TEX15: variants seen among roughly 807,000 people sequenced by gnomAD.
The protein encoded by TEX15 is testis-expressed protein 15.
Under a neutral mutation model 237.3 loss-of-function variants are expected in TEX15, and 171 were observed. That is an observed-to-expected ratio of 0.72 (90% confidence interval 0.64 to 0.82). The LOEUF (loss-of-function observed/expected upper bound fraction) is 0.82. TEX15 is among the 40% of genes least tolerant of loss of function. The probability of loss-of-function intolerance (pLI) is 0.00; values close to 1 mark genes in which losing one functional copy is unlikely to be tolerated. For missense variants in TEX15, 3,750 were observed against 3,646.5 expected (o/e 1.03, Z -0.73); for synonymous variants, 1,338 against 1,269.8 (o/e 1.05, Z -1.14).
rs1320798865 is a variant in TEX15 at position 30,867,465 on chromosome 8, G to T, written c.340C>A (p.Leu114Ile). 6.5e-7 allele frequency: 1 copy of T among 1,534,284 alleles called. No individual in the cohort carries two copies. The highest frequency in any genetic ancestry group is 2.0e-5 in the Admixed American group (1 of 50,934). ...MRESGRHCRE[L>I]EEQFCFLALP... ...GCTAAAAAGCAGAACTGTTCTTCAAGTTCCCTGCAATGTCTTCCACTTTCA... is the reference window on the plus strand; with the variant it reads ...GCTAAAAAGCAGAACTGTTCTTCAATTTCCCTGCAATGTCTTCCACTTTCA... Residue 114 changes from leucine to isoleucine, a missense_variant, in exon 5 of 11, where the codon CTT becomes ATT. Transcript: ENST00000643185.
chr8:30,836,901 G>T lies in TEX15; in HGVS notation c.9383C>A (p.Pro3128Gln). ...ATGAGAAGCATATTGTGAAAAAATT[G>T]GCTGCCGAAAATTAGAAGCAGGTAT... ...SQIPASNFRQ[P>Q]IFSQYASHQP... Residue 3128 changes from proline (P) to glutamine (Q), a missense_variant, in exon 10 of 11, where the codon CCA (proline) becomes CAA (glutamine). Coordinates refer to ENST00000643185, the MANE Select transcript of TEX15 (RefSeq NM_001350162.2). The T allele has an allele frequency of 6.2e-7, 1 of 1,614,156 alleles. No homozygotes were observed. Among genetic ancestry groups the T allele is most frequent in the East Asian group, 2.2e-5 (1 of 44,880 alleles).
At chr8:30,875,610 T>C (rs1808383619) in intron 3 of TEX15, among the ~76,000 whole-genome samples, 1 of 152,200 alleles carries the variant, frequency 6.6e-6, no homozygotes, top group Non-Finnish European at 1.5e-5. Flanking sequence ...AGCATTGTTG[T>C]AGTAAATAGA....
rs767963395 is a variant in TEX15, at chr8:30,842,482, A to G, written c.7685T>C (p.Ile2562Thr). 1 of 1,613,148 alleles carries G rather than the reference A, an allele frequency of 6.2e-7. No individual in the cohort carries two copies. The highest frequency in any genetic ancestry group is 1.1e-5 in the South Asian group (1 of 90,896). ...KKLLKKSKYF[I>T]STYIDFVPYI... is the part of the protein sequence containing the mutation. ...TGGCACAAAGTCAATATATGTGGAA[A>G]TAAAATACTTGGACTTCTTCAGAAG... Residue 2562 changes from isoleucine (I) to threonine (T), a missense_variant, in exon 8 of 11, where the codon ATT becomes ACT. By Grantham distance (89) the Ile-to-Thr change is moderately conservative. Coordinates refer to ENST00000643185, the MANE Select transcript of TEX15 (RefSeq NM_001350162.2).
Position 30,845,638 on chromosome 8 carries a change from C to T in TEX15, c.4529G>A (p.Cys1510Tyr). 6.2e-7 allele frequency: 1 copy of T among 1,613,576 alleles called. No individual in the cohort carries two copies. The highest frequency in any genetic ancestry group is 8.5e-7 in the Non-Finnish European group (1 of 1,179,602). Residue 1510 changes from cysteine to tyrosine, a missense_variant, in exon 8 of 11, where the codon TGT becomes TAT. Coordinates refer to ENST00000643185, the MANE Select transcript of TEX15 (RefSeq NM_001350162.2). ...CTGTGATTCAGGATGTTCTTGATTA[C>T]AAAATTCTCCCATGTGACTGGTGGT... is the stretch of plus-strand genomic sequence containing the variant. Reference protein sequence around the residue: ...HPTTSHMGEFCNQEHPESQLP... With the variant: ...HPTTSHMGEFYNQEHPESQLP...
Position 30,842,019 on chromosome 8 carries a change from A to G in TEX15, c.8148T>C (p.Ser2716=), listed in dbSNP as rs760228344. ...ACATACATACCTTTAGCTTTTTACA[A>G]CTGGAAACAGTAGTATCTTGCTGTT... ...QEQQQDTTVS[S]CKKLKVDMKD... is the part of the protein sequence containing the mutation. Residue 2716 remains serine (S), a synonymous_variant, in exon 8 of 11, where the codon AGT becomes AGC. Transcript: ENST00000643185. 1.9e-6 allele frequency: 3 copies of G among 1,582,888 alleles called. No homozygotes were observed. Among genetic ancestry groups the G allele is most frequent in the Admixed American group, 3.8e-5 (2 of 52,122 alleles).
chr8:30,848,142 A>G lies in TEX15; in HGVS notation c.2025T>C (p.Phe675=). ...TTAATATTTTATCACAGCTTTTCCC[A>G]AAAGAATTATGACTCTCACTCTCTT... ...EYKESESHNS[F]GKSCDKILIT... is the part of the protein sequence containing the mutation. Residue 675 remains phenylalanine, a synonymous_variant, in exon 8 of 11, where the codon TTT becomes TTC. Coordinates refer to ENST00000643185, the MANE Select transcript of TEX15 (RefSeq NM_001350162.2). 1 of 1,609,202 alleles carries G rather than the reference A, an allele frequency of 6.2e-7. No homozygotes were observed.
Position 30,845,068 on chromosome 8 carries a change from A to T in TEX15, c.5099T>A (p.Phe1700Tyr). ...RPKQNIITGNFLMGPLNLTLI... is the reference protein window; with the variant it reads ...RPKQNIITGNYLMGPLNLTLI... Reference sequence around the variant, plus strand: ...AGTTAGGTTTAATGGGCCCATAAGGAAGTTTCCTGTAATAATGTTTTGTTT... The same window carrying T: ...AGTTAGGTTTAATGGGCCCATAAGGTAGTTTCCTGTAATAATGTTTTGTTT... The change falls in exon 8 of 11, where the codon TTC (phenylalanine) becomes TAC (tyrosine). Residue 1700 changes from phenylalanine (F) to tyrosine (Y), a missense_variant. Phe to Tyr is a conservative substitution (Grantham distance 22). Transcript: ENST00000643185. 6.2e-7 allele frequency: 1 copy of T among 1,613,498 alleles called. No homozygotes were observed. Among genetic ancestry groups the T allele is most frequent in the Non-Finnish European group, 8.5e-7 (1 of 1,179,524 alleles).
In TEX15 at chr8:30,837,949, CAGGT is replaced by C. The variant is rs1448188641; in HGVS notation, c.8331_8334del (p.Pro2778AlafsTer6). 6.2e-7 allele frequency: 1 copy of C among 1,613,992 alleles called. No homozygotes were observed. The highest frequency in any genetic ancestry group is 1.3e-5 in the African/African-American group (1 of 74,908). On this transcript the variant is annotated frameshift_variant, in exon 10 of 11. Coordinates refer to ENST00000643185, the MANE Select transcript of TEX15 (RefSeq NM_001350162.2). LOFTEE classifies it high-confidence loss of function. Reference sequence around the variant, plus strand: ...GGGTTCTCTAAGGGTAAAAGTGAGCCAGGTAGTGATCTTTGCATTTCAACCTTTT... The same window carrying C: ...GGGTTCTCTAAGGGTAAAAGTGAGCCAGTGATCTTTGCATTTCAACCTTTT...
At chr8:30,876,145 T>C (rs528139441) in intron 3 of TEX15, among the ~76,000 whole-genome samples, 6 of 152,278 alleles carry the variant, frequency 3.9e-5, no homozygotes, top group African/African-American at 9.6e-5. Flanking sequence ...CAAAATGCCA[T>C]CTGCATTATG....
intron 3 of TEX15, among the ~76,000 whole-genome samples, chr8:30,877,692 C>T (rs1808429326): frequency 6.6e-6 from 1 of 152,084 alleles, no homozygotes; most frequent in African/African-American, 2.4e-5. Flanking sequence ...GTTGCAAAAA[C>T]AGTTCACAGA....
chr8:30,870,994 C>T (rs1027354673), intron 4 of TEX15, among the ~76,000 whole-genome samples: 3 of 151,988 alleles, frequency 2.0e-5, no homozygotes, highest in African/African-American at 7.2e-5. Flanking sequence ...AAGTTACCCA[C>T]CATCCTTGGC....
At chr8:30,909,964 C>G (rs868159685) in intron 1 of TEX15, among the ~76,000 whole-genome samples, 1 of 152,188 alleles carries the variant, frequency 6.6e-6, no homozygotes, top group Non-Finnish European at 1.5e-5. Context: ...GTAGGCACTT[C>G]AAATCCCCTC....
At chr8:30,866,042 C>T (rs1355594268) in intron 5 of TEX15, among the ~76,000 whole-genome samples, 8 of 151,980 alleles carry the variant, frequency 5.3e-5, no homozygotes, top group African/African-American at 1.4e-4. Flanking sequence ...TTTAGGAAAA[C>T]CTAGTGTCAT....
Position 30,848,677 on chromosome 8 carries a change from G to C in TEX15, c.1490C>G (p.Pro497Arg), listed in dbSNP as rs763460114. The C allele has an allele frequency of 6.2e-7, 1 of 1,614,156 alleles. No homozygotes were observed. Among genetic ancestry groups the C allele is most frequent in the South Asian group, 1.1e-5 (1 of 91,086 alleles). ...CAVLTNGLDTPCFKTSVNDSQ... is the reference protein window; with the variant it reads ...CAVLTNGLDTRCFKTSVNDSQ... ...ATCATTAACAGAAGTTTTAAAGCAA[G>C]GGGTATCCAAACCATTAGTAAGAAC... Residue 497 changes from proline (P) to arginine (R), a missense_variant, in exon 8 of 11, where the codon CCT becomes CGT. Pro to Arg is a moderately radical substitution (Grantham distance 103). Transcript: ENST00000643185.
chr8:30,888,946 ACTC>A (rs1406765163), intron 2 of TEX15, among the ~76,000 whole-genome samples: 1 of 152,002 alleles, frequency 6.6e-6, no homozygotes, highest in East Asian at 1.9e-4. Context: ...TAACAAGAAT[ACTC>A]CTAAGATGCA....
intron 9 of TEX15, 38 bp from the exon 10 acceptor site, chr8:30,838,099 T>A (rs368835976): frequency 6.6e-5 from 99 of 1,491,356 alleles, no homozygotes; most frequent in Non-Finnish European, 8.4e-5. Flanking sequence ...TGAATTTAAA[T>A]ATATAGGGTC....
rs1563231911 is a variant in TEX15 at position 30,842,598 on chromosome 8, A to G, written c.7569T>C (p.Asp2523=). The part of the protein sequence containing the change: ...TAVSELKKDL[D]IICKYNEAVN... ...CAGCTTCATTATATTTGCAGATAAT[A>G]TCCAGATCTTTCTTAAGTTCGGAAA... The change falls in exon 8 of 11, where the codon GAT becomes GAC. Residue 2523 remains aspartate (D), a synonymous_variant. Transcript: ENST00000643185. 2 of 1,611,272 alleles carry G rather than the reference A, an allele frequency of 1.2e-6. No individual in the cohort carries two copies. The highest frequency in any genetic ancestry group is 1.7e-6 in the Non-Finnish European group (2 of 1,179,774).
chr8:30,843,596 GA>G lies in TEX15; in HGVS notation c.6570del (p.Leu2191PhefsTer15), dbSNP rs1807516327. On this transcript the variant is annotated frameshift_variant, in exon 8 of 11. Coordinates refer to ENST00000643185, the MANE Select transcript of TEX15 (RefSeq NM_001350162.2). LOFTEE classifies it high-confidence loss of function. Reference sequence around the variant, plus strand: ...ACTCCACAGGTAAATGGAACAGAAAGAGAAAAATCAAAGCAATCGGAACAAT... The same window carrying G: ...ACTCCACAGGTAAATGGAACAGAAAGGAAAAATCAAAGCAATCGGAACAAT... ...MEHCSDCFDFSLSVPFTCGVN... is the reference protein window; with the variant it reads ...MEHCSDCFDFXLSVPFTCGVN... 6.2e-7 allele frequency: 1 copy of G among 1,612,764 alleles called. No homozygotes were observed. Among genetic ancestry groups the G allele is most frequent in the African/African-American group, 1.3e-5 (1 of 74,880 alleles).
chr8:30,839,828 TTG>T (rs1807401300), intron 9 of TEX15, 76 bp downstream of exon 9: 1 of 850,916 alleles, frequency 1.2e-6, no homozygotes, highest in Admixed American at 2.3e-5. Flanking sequence ...ATATAAATAA[TTG>T]TGTTATTCTA....
Sources: allele counts gnomAD v4.1 joint callset (sites outside exome capture counted in the v4.1 genomes callset), GRCh38; gene constraint gnomAD v4.1.1; transcripts MANE v1.5; gene names NCBI Gene and HGNC (gene_info 2026-07-23, HGNC 2026-07-21).